Variants in SULF1 observed in about 807,000 individuals in gnomAD.
SULF1 encodes the protein extracellular sulfatase Sulf-1.
In SULF1, 46 loss-of-function variants were observed where a neutral mutation model predicts 110.5. The observed-to-expected ratio is 0.42, with a 90% CI of 0.33 to 0.53. SULF1 has a LOEUF of 0.53. Ranked by LOEUF, SULF1 falls within the 20% of genes least tolerant of loss-of-function variation. The pLI is 0.12. For synonymous variants in SULF1, 371 were observed against 387.1 expected (o/e 0.96, Z 0.49); for missense variants, 941 against 1,094.2 (o/e 0.86, Z 1.98).
chr8:69,601,881 A>G lies in SULF1; in HGVS notation c.1061+52A>G, dbSNP rs1155965. ...CAACTGTCGTACCTCAAGTGTGTCT[A>G]AGATAATTCAATTACCAGTCTCAGT... On this transcript the variant is annotated intron_variant, in intron 10 of 22. Transcript: ENST00000402687. 740,002 of 1,512,592 alleles carry G rather than the reference A, an allele frequency of 0.49. 182,723 individuals carry two copies. Among genetic ancestry groups the G allele is most frequent in the Non-Finnish European group, 0.51 (572,296 of 1,120,200 alleles). 93.7% of individuals were successfully genotyped at this position (1,512,592 alleles called of 1,614,324 possible). A position where few individuals can be genotyped will look rare whatever the true frequency, so the allele number is the denominator to read the frequency against.
rs556164859 is a variant in SULF1 at position 69,564,354 on chromosome 8, C to T, written c.172+207C>T. 9.9e-5 allele frequency among the ~76,000 whole-genome samples: 15 copies of T among 152,074 alleles called. 1 individual carries two copies. The East Asian group carries it at 2.3e-3, about 24-fold the overall frequency. On this transcript the variant is annotated intron_variant, in intron 5 of 22. Coordinates refer to ENST00000402687, the MANE Select transcript of SULF1 (RefSeq NM_001128205.2). ...TCTGATGTTATGCTTTTGAAATGGT[C>T]GGGGAAGGGGCCTGGGGGAGTAGGA...
intron 22 of SULF1, among the ~76,000 whole-genome samples, chr8:69,651,592 C>CT (rs562187444): frequency 7.6e-4 from 116 of 151,894 alleles, no homozygotes; most frequent in Non-Finnish European, 1.5e-3. Flanking sequence ...TGTCAAAAAG[C>CT]TTTTTTTAGC....
rs1813039467 is a variant in SULF1 at position 69,660,570 on chromosome 8, T to C, written c.*2035T>C. Reference sequence around the variant, plus strand: ...TCTTCTTATTTTTAGATAATTCAAGTGCTTAGATAAATTATGTTTTCTTTA... The same window carrying C: ...TCTTCTTATTTTTAGATAATTCAAGCGCTTAGATAAATTATGTTTTCTTTA... On this transcript the variant is annotated 3_prime_UTR_variant, in exon 23 of 23. Coordinates refer to ENST00000402687, the MANE Select transcript of SULF1 (RefSeq NM_001128205.2). 6.6e-6 allele frequency: 1 copy of C among 152,666 alleles called. No homozygotes were observed. Among genetic ancestry groups the C allele is most frequent in the South Asian group, 2.1e-4 (1 of 4,834 alleles). 9.5% of individuals were successfully genotyped at this position (152,666 alleles called of 1,614,324 possible). A position where few individuals can be genotyped will look rare whatever the true frequency, so the allele number is the denominator to read the frequency against.
At chr8:69,490,051 A>T (rs888965707), upstream of SULF1, among the ~76,000 whole-genome samples, 1 of 150,568 alleles carries the variant, frequency 6.6e-6, no homozygotes, top group African/African-American at 2.4e-5. Context: ...CCTTAGTTAT[A>T]CCACGTTGGA....
chr8:69,534,932 A>C (rs2150652785), intron 3 of SULF1, among the ~76,000 whole-genome samples: 1 of 152,286 alleles, frequency 6.6e-6, no homozygotes, highest in South Asian at 2.1e-4. Flanking sequence ...AGACTTTATA[A>C]GGATTGTTGT....
At chr8:69,531,887 T>G (rs974158417) in intron 3 of SULF1, among the ~76,000 whole-genome samples, 2 of 152,128 alleles carry the variant, frequency 1.3e-5, no homozygotes, top group African/African-American at 4.8e-5. Context: ...CTAAGCTGAT[T>G]ACATACGCGG....
intron 8 of SULF1, among the ~76,000 whole-genome samples, chr8:69,591,744 G>C (rs1030149207): frequency 2.0e-5 from 3 of 152,144 alleles, no homozygotes; most frequent in Admixed American, 2.0e-4. Context: ...TAAGGCAGGG[G>C]TTGGCACACT....
At chr8:69,642,890 A>G (rs1230961413) in intron 22 of SULF1, among the ~76,000 whole-genome samples, 54 of 152,086 alleles carry the variant, frequency 3.6e-4, no homozygotes. Context: ...CCCTGCCACC[A>G]CCACTCAATC....
At chr8:69,595,135 C>A (rs999336678) in intron 8 of SULF1, among the ~76,000 whole-genome samples, 1 of 152,150 alleles carries the variant, frequency 6.6e-6, no homozygotes. Context: ...AGAGATACTA[C>A]AATTCCGTAG....
intron 3 of SULF1, among the ~76,000 whole-genome samples, chr8:69,541,562 G>T (rs1013824304): frequency 6.6e-6 from 1 of 152,210 alleles, no homozygotes; most frequent in Non-Finnish European, 1.5e-5. Context: ...AACGAAAGAC[G>T]TCTGCTTCTA....
chr8:69,532,764 CTT>C (rs1420128000), intron 3 of SULF1, among the ~76,000 whole-genome samples: 3 of 152,148 alleles, frequency 2.0e-5, no homozygotes, highest in Non-Finnish European at 4.4e-5. Flanking sequence ...CTCTAGAACT[CTT>C]TTATCTTGCA....
At chr8:69,627,405 C>A in intron 16 of SULF1, 99 bp downstream of exon 16, 1 of 775,080 alleles carries the variant, frequency 1.3e-6, no homozygotes, top group Non-Finnish European at 2.1e-6. Flanking sequence ...TACACATCAT[C>A]TATAATTATG....
intron 5 of SULF1, among the ~76,000 whole-genome samples, chr8:69,570,982 G>A (rs1805189474): frequency 6.6e-6 from 1 of 152,222 alleles, no homozygotes; most frequent in South Asian, 2.1e-4. Context: ...TTGCTTCAGA[G>A]CATTTGTGTC....
chr8:69,641,619 C>A (rs1811478166), intron 22 of SULF1, among the ~76,000 whole-genome samples: 2 of 151,924 alleles, frequency 1.3e-5, no homozygotes, highest in Admixed American at 1.3e-4. Flanking sequence ...ACCTGTAGTC[C>A]CAGCTACTCA....
chr8:69,604,662 T>G, intron 12 of SULF1, 141 bp from the exon 13 acceptor site: 1 of 1,077,450 alleles, frequency 9.3e-7, no homozygotes, highest in Non-Finnish European at 1.3e-6. Context: ...TGAACTCCTG[T>G]AGACAGAGCT....
rs529956708 is a variant in SULF1 at position 69,494,781 on chromosome 8, G to A, written c.-390-984G>A. Among the ~76,000 whole-genome samples, 243 of 152,050 alleles carry A rather than the reference G, an allele frequency of 1.6e-3. 2 individuals are homozygous for A. The highest frequency in any genetic ancestry group is 5.4e-3 in the African/African-American group (223 of 41,444). On this transcript the variant is annotated intron_variant, in intron 1 of 22. Transcript: ENST00000402687. ...TGTAGTCTTAGCTACTCCGGTGACT[G>A]AGGCAAGAGGATCGCTTGAGCCTAG...
intron 3 of SULF1, among the ~76,000 whole-genome samples, chr8:69,552,141 G>A (rs756972192): frequency 2.0e-5 from 3 of 152,182 alleles, no homozygotes; most frequent in Non-Finnish European, 2.9e-5. Flanking sequence ...AAAAATGCTG[G>A]AGTAATTAAC....
At chr8:69,644,312 A>G (rs10106852) in intron 22 of SULF1, among the ~76,000 whole-genome samples, 56,845 of 152,066 alleles carry the variant, frequency 0.37, 10,692 homozygotes, top group South Asian at 0.45. Flanking sequence ...AACAGACCCT[A>G]GCAGGCGCCA....
chr8:69,498,579 G>A (rs533827567), intron 2 of SULF1, among the ~76,000 whole-genome samples: 12 of 152,180 alleles, frequency 7.9e-5, no homozygotes, highest in Non-Finnish European at 1.3e-4. Flanking sequence ...CCATAGAGAC[G>A]GTAAACTAAG....
Sources: allele counts gnomAD v4.1 joint callset (sites outside exome capture counted in the v4.1 genomes callset), GRCh38; gene constraint gnomAD v4.1.1; transcripts MANE v1.5; gene names NCBI Gene and HGNC (gene_info 2026-07-23, HGNC 2026-07-21).